Variants in RASSF6 observed in about 807,000 individuals in gnomAD.
RASSF6 encodes ras association domain-containing protein 6.
Under a neutral mutation model 44.0 loss-of-function variants are expected in RASSF6, and 52 were observed. The ratio of observed to expected loss-of-function variants is 1.18; its 90% CI spans 0.95 to 1.49. The LOEUF (loss-of-function observed/expected upper bound fraction) is 1.49. Among genes scored for constraint, RASSF6 ranks in the 40% most tolerant of loss-of-function variants. The probability of loss-of-function intolerance (pLI) is 0.00; values close to 1 mark genes in which losing one functional copy is unlikely to be tolerated. For synonymous variants in RASSF6, 162 were observed against 124.6 expected, an observed-to-expected ratio of 1.30 and a Z score of -2.00; for missense variants, 464 against 393.3, an observed-to-expected ratio of 1.18 and a Z score of -1.52.
intron 2 of RASSF6, among the ~76,000 whole-genome samples, chr4:73,602,506 G>A (rs954936368): frequency 1.3e-5 from 2 of 152,232 alleles, no homozygotes; most frequent in Non-Finnish European, 2.9e-5. Context: ...TATCTGGGCA[G>A]TCCCTAATCA....
intron 1 of RASSF6, among the ~76,000 whole-genome samples, chr4:73,619,594 A>G (rs942859387): frequency 6.6e-6 from 1 of 152,174 alleles, no homozygotes; most frequent in African/African-American, 2.4e-5. Context: ...AGATCCTTTG[A>G]TGATGCTTGT....
At chr4:73,595,319 G>A (rs577752955) in intron 3 of RASSF6, among the ~76,000 whole-genome samples, 111 of 152,166 alleles carry the variant, frequency 7.3e-4, no homozygotes, top group African/African-American at 2.5e-3. Context: ...TCAGCCTTCC[G>A]AGTAGCTGGG....
intron 1 of RASSF6, chr4:73,616,026 G>C: frequency 8.4e-7 from 1 of 1,192,532 alleles, no homozygotes; most frequent in Non-Finnish European, 1.2e-6. Flanking sequence ...ATATCTAAAA[G>C]TGGAAAATTG....
chr4:73,579,721 C>T lies in RASSF6; in HGVS notation c.721+2096G>A, dbSNP rs568641317. On this transcript the variant is annotated intron_variant, in intron 8 of 10. Transcript: ENST00000307439. ...CATTGACAATATTCTTTGTAATCTACTATTTGTATCTTTTAAATTGTTACA... is the reference window on the plus strand; with the variant it reads ...CATTGACAATATTCTTTGTAATCTATTATTTGTATCTTTTAAATTGTTACA... Among the ~76,000 whole-genome samples the T allele has an allele frequency of 3.6e-4, 55 of 151,028 alleles. 2 individuals are homozygous for T. The highest frequency in any genetic ancestry group is 1.3e-3 in the African/African-American group (52 of 41,272).
At chr4:73,594,152 T>C (rs1724770557) in intron 3 of RASSF6, among the ~76,000 whole-genome samples, 1 of 152,216 alleles carries the variant, frequency 6.6e-6, no homozygotes, top group Non-Finnish European at 1.5e-5. Flanking sequence ...AGAAATACTG[T>C]AGTATAGCAG....
chr4:73,601,349 T>C (rs1725265105), intron 2 of RASSF6, among the ~76,000 whole-genome samples: 1 of 152,216 alleles, frequency 6.6e-6, no homozygotes, highest in Non-Finnish European at 1.5e-5. Flanking sequence ...ACTGCAGAGA[T>C]GAGTAGTTGT....
intron 2 of RASSF6, among the ~76,000 whole-genome samples, chr4:73,599,955 C>T (rs1234540040): frequency 1.3e-5 from 2 of 152,144 alleles, no homozygotes; most frequent in African/African-American, 4.8e-5. Context: ...GACAGATTCT[C>T]ATCTTGGGGC....
chr4:73,581,382 T>G (rs557379210), intron 8 of RASSF6, among the ~76,000 whole-genome samples: 2 of 152,250 alleles, frequency 1.3e-5, no homozygotes, highest in African/African-American at 4.8e-5. Context: ...GAGGAAGAGA[T>G]AGCACTCCCG....
chr4:73,573,169 C>A lies in RASSF6; in HGVS notation c.*3066G>T, dbSNP rs1441835450. ...TAGAGACGGAGTCTTGCTCTGTCGT[C>A]CAGGCTGGAGAGCAGTGGCGCCATC... On this transcript the variant is annotated 3_prime_UTR_variant, in exon 11 of 11. Transcript: ENST00000307439. 6.6e-6 allele frequency: 1 copy of A among 151,654 alleles called. No individual in the cohort carries two copies. The highest frequency in any genetic ancestry group is 1.9e-4 in the East Asian group (1 of 5,172). The allele number at this position is 151,654 out of a possible 1,614,324, so 9.4% of individuals were successfully genotyped here. A position where few individuals can be genotyped will look rare whatever the true frequency, so the allele number is the denominator to read the frequency against.
At chr4:73,578,815 G>T (rs919498519) in intron 8 of RASSF6, among the ~76,000 whole-genome samples, 9 of 151,572 alleles carry the variant, frequency 5.9e-5, no homozygotes, top group Admixed American at 3.9e-4. Context: ...TTTCACCATA[G>T]TGGTCAGGCT....
Position 73,615,066 on chromosome 4 carries a change from C to A in RASSF6, c.-34-3237G>T, listed in dbSNP as rs140724509. On this transcript the variant is annotated intron_variant, in intron 1 of 10. Transcript: ENST00000307439. The stretch of plus-strand genomic sequence containing the variant: ...TGGTGGAACACACTTTTAATCCCAG[C>A]TACCTGGGAGGCTGAGGCCCGAGAA... Among the ~76,000 whole-genome samples the A allele has an allele frequency of 5.4e-3, 823 of 151,578 alleles. 6 individuals carry two copies. The highest frequency in any genetic ancestry group is 0.019 in the African/African-American group (764 of 41,284).
intron 2 of RASSF6, among the ~76,000 whole-genome samples, chr4:73,609,053 G>T (rs1174946692): frequency 1.3e-5 from 2 of 152,188 alleles, no homozygotes; most frequent in Non-Finnish European, 2.9e-5. Context: ...CTAAGGACAG[G>T]ATTGTACACG....
intron 8 of RASSF6, among the ~76,000 whole-genome samples, chr4:73,579,015 G>A (rs1723434436): frequency 6.6e-6 from 1 of 151,944 alleles, no homozygotes; most frequent in Non-Finnish European, 1.5e-5. Flanking sequence ...CTAGTCATAA[G>A]ACCATATATA....
At chr4:73,597,802 C>G (rs1725030461) in intron 3 of RASSF6, among the ~76,000 whole-genome samples, 2 of 152,128 alleles carry the variant, frequency 1.3e-5, no homozygotes, top group African/African-American at 4.8e-5. Flanking sequence ...TAAAAAAGAA[C>G]AAGGCCATGT....
chr4:73,586,303 A>T lies in RASSF6; in HGVS notation c.383-939T>A, dbSNP rs891429383. On this transcript the variant is annotated intron_variant, in intron 5 of 10. Coordinates refer to ENST00000307439, the MANE Select transcript of RASSF6 (RefSeq NM_177532.5). ...ATTGAGTCATGTATATTTAACAATGATTCATAATTGATTAGTCAAAATTTG... is the reference window on the plus strand; with the variant it reads ...ATTGAGTCATGTATATTTAACAATGTTTCATAATTGATTAGTCAAAATTTG... Among the ~76,000 whole-genome samples the T allele has an allele frequency of 2.0e-5, 3 of 152,048 alleles. No individual in the cohort carries two copies. In the East Asian group the frequency reaches 5.8e-4, roughly 29 times the overall value.
chr4:73,593,424 G>C, intron 4 of RASSF6, 27 bp downstream of exon 4: 2 of 1,584,860 alleles, frequency 1.3e-6, no homozygotes, highest in Non-Finnish European at 1.7e-6. Flanking sequence ...ATCTTCTGAG[G>C]AATTAAAAAC....
chr4:73,611,157 TCTC>T (rs911938973), intron 2 of RASSF6, among the ~76,000 whole-genome samples: 28 of 152,160 alleles, frequency 1.8e-4, no homozygotes, highest in African/African-American at 6.8e-4. Context: ...CATGATTTCA[TCTC>T]CTCTCAGCCC....
chr4:73,619,790 A>G (rs1024176717), intron 1 of RASSF6, among the ~76,000 whole-genome samples: 1 of 148,870 alleles, frequency 6.7e-6, no homozygotes, highest in Admixed American at 6.7e-5. Flanking sequence ...TTGAAAATTC[A>G]TTTTTTTTTT....
At chr4:73,607,132 AT>A (rs1281964770) in intron 2 of RASSF6, among the ~76,000 whole-genome samples, 40 of 152,372 alleles carry the variant, frequency 2.6e-4, no homozygotes, top group African/African-American at 9.1e-4. Flanking sequence ...TCCTCCAGAC[AT>A]TCTCCACACT....
Sources: allele counts gnomAD v4.1 joint callset (sites outside exome capture counted in the v4.1 genomes callset), GRCh38; gene constraint gnomAD v4.1.1; transcripts MANE v1.5; gene names NCBI Gene and HGNC (gene_info 2026-07-23, HGNC 2026-07-21).